RFTN1: variants seen among roughly 807,000 people sequenced by gnomAD.
RFTN1 encodes the protein raftlin.
Under a neutral mutation model 46.5 loss-of-function variants are expected in RFTN1, and 26 were observed. The observed-to-expected ratio is 0.56, with a 90% confidence interval of 0.41 to 0.78. The LOEUF is 0.78. Among genes scored for constraint, RFTN1 ranks in the 30% least tolerant of loss-of-function variants. The pLI, the probability that RFTN1 is intolerant of heterozygous loss-of-function variation, is 0.00. For missense variants in RFTN1, 693 were observed against 718.7 expected (o/e 0.96, Z 0.41); for synonymous variants, 261 against 284.2 (o/e 0.92, Z 0.82).
In RFTN1 at chr3:16,383,329, G is replaced by C. The variant is rs2074057312; in HGVS notation, c.442-5227C>G. On this transcript the variant is annotated intron_variant, in intron 4 of 9. Transcript: ENST00000334133. The surrounding 1 kb of genome is among the most constrained non-coding windows in gnomAD (Gnocchi z 4.0). ...AACCCACCTGCCCCAAATACTTAAA[G>C]AGTAACAATTTCTGGTTGAGGCACT... Among the ~76,000 whole-genome samples the C allele has an allele frequency of 6.6e-6, 1 of 152,172 alleles. No individual in the cohort carries two copies. Among genetic ancestry groups the C allele is most frequent in the Admixed American group, 6.5e-5 (1 of 15,280 alleles).
At chr3:16,414,631 A>G (rs1021672748) in intron 3 of RFTN1, among the ~76,000 whole-genome samples, 1 of 151,916 alleles carries the variant, frequency 6.6e-6, no homozygotes, top group Non-Finnish European at 1.5e-5. Flanking sequence ...AAGAAAAGGA[A>G]AAAAGAAACA....
chr3:16,467,305 G>A (rs1401971364), intron 2 of RFTN1, among the ~76,000 whole-genome samples: 1 of 152,192 alleles, frequency 6.6e-6, no homozygotes, highest in African/African-American at 2.4e-5. Flanking sequence ...GAGGAAGAAA[G>A]ATCCCAAGGT....
chr3:16,476,279 G>A (rs2076280523), intron 2 of RFTN1, among the ~76,000 whole-genome samples: 1 of 152,128 alleles, frequency 6.6e-6, no homozygotes, highest in Non-Finnish European at 1.5e-5. Context: ...AAATTATTCT[G>A]AATTATTGCA....
chr3:16,410,076 T>G lies in RFTN1; in HGVS notation c.333-593A>C, dbSNP rs1221606968. ...CCCGAAAGTAACGTCAAAAAGGCAC[T>G]GATGAAAAATGGTTTATGGAAACTA... is the stretch of plus-strand genomic sequence containing the variant. On this transcript the variant is annotated intron_variant, in intron 3 of 9. Coordinates refer to ENST00000334133, the MANE Select transcript of RFTN1 (RefSeq NM_015150.2). The surrounding 1 kb of genome is among the most constrained non-coding windows in gnomAD (Gnocchi z 4.6). Among the ~76,000 whole-genome samples the G allele has an allele frequency of 6.6e-6, 1 of 151,824 alleles. No individual in the cohort carries two copies. Among genetic ancestry groups the G allele is most frequent in the African/African-American group, 2.4e-5 (1 of 41,300 alleles).
Position 16,377,955 on chromosome 3 carries a change from G to A in RFTN1, c.589C>T (p.His197Tyr), listed in dbSNP as rs865839274. 6.2e-7 allele frequency: 1 copy of A among 1,614,106 alleles called. No homozygotes were observed. The highest frequency in any genetic ancestry group is 1.3e-5 in the African/African-American group (1 of 74,936). The change falls in exon 5 of 10, where the codon CAC (histidine) becomes TAC (tyrosine). Residue 197 changes from histidine (H) to tyrosine (Y), a missense_variant. By Grantham distance (83) the His-to-Tyr change is moderately conservative. Transcript: ENST00000334133. ...ARDAKNARGDHASLENEKPGT... is the reference protein window; with the variant it reads ...ARDAKNARGDYASLENEKPGT... Reference sequence around the variant, plus strand: ...GGTTTCTCATTCTCCAGTGACGCGTGATCCCCACGTGCGTTTTTTGCATCT... The same window carrying A: ...GGTTTCTCATTCTCCAGTGACGCGTAATCCCCACGTGCGTTTTTTGCATCT...
rs2071317423 is a variant in RFTN1, at chr3:16,341,534, A to T, written c.1147-14658T>A. Among the ~76,000 whole-genome samples, 1 of 152,202 alleles carries T rather than the reference A, an allele frequency of 6.6e-6. No homozygotes were observed. Among genetic ancestry groups the T allele is most frequent in the Non-Finnish European group, 1.5e-5 (1 of 68,042 alleles). On this transcript the variant is annotated intron_variant, in intron 7 of 9. Transcript: ENST00000334133. The surrounding 1 kb of genome is among the most constrained non-coding windows in gnomAD (Gnocchi z 4.7). ...TCCATATTACTAAGTGAAAGAAGCCAACTGGAAAAGGCTACATACTGTATG... is the reference window on the plus strand; with the variant it reads ...TCCATATTACTAAGTGAAAGAAGCCTACTGGAAAAGGCTACATACTGTATG...
At chr3:16,319,898 G>A (rs1386934305) in intron 9 of RFTN1, among the ~76,000 whole-genome samples, 5 of 152,192 alleles carry the variant, frequency 3.3e-5, no homozygotes, top group Non-Finnish European at 7.3e-5. Flanking sequence ...ATGGACTCCA[G>A]GTTTTGAGTA....
In RFTN1 at chr3:16,457,002, AG is replaced by A. The variant is rs1418857280; in HGVS notation, c.146-22966del. 6.6e-6 allele frequency among the ~76,000 whole-genome samples: 1 copy of A among 152,204 alleles called. No homozygotes were observed. Among genetic ancestry groups the A allele is most frequent in the African/African-American group, 2.4e-5 (1 of 41,458 alleles). ...CTCTGTGTATTATGTGTCAATAAAA[AG>A]TTTTTTTTTTAAATGACAGATGCCA... On this transcript the variant is annotated intron_variant, in intron 2 of 9. Transcript: ENST00000334133. This position sits in a 1 kb window ranked among gnomAD's most constrained non-coding sequence, Gnocchi z 4.2.
intron 1 of RFTN1, among the ~76,000 whole-genome samples, chr3:16,508,842 A>C (rs1006188052): frequency 6.6e-6 from 1 of 152,190 alleles, no homozygotes; most frequent in African/African-American, 2.4e-5. Flanking sequence ...GTAAAAAAAA[A>C]ACACCACAGA....
intron 7 of RFTN1, among the ~76,000 whole-genome samples, chr3:16,350,715 G>T (rs1259371029): frequency 6.6e-6 from 1 of 152,152 alleles, no homozygotes; most frequent in East Asian, 1.9e-4. Context: ...GGAGGGGTTT[G>T]GGTGTTGATT....
intron 4 of RFTN1, among the ~76,000 whole-genome samples, 154 bp downstream of exon 4, chr3:16,409,221 G>A (rs1259789662): frequency 6.6e-6 from 1 of 152,226 alleles, no homozygotes; most frequent in Non-Finnish European, 1.5e-5. Context: ...AGCTCTGGAG[G>A]GGGCTGCTTC....
intron 2 of RFTN1, among the ~76,000 whole-genome samples, chr3:16,470,553 G>A (rs748374268): frequency 6.6e-6 from 1 of 152,154 alleles, no homozygotes; most frequent in Admixed American, 6.5e-5. Context: ...CCAGAGAAAA[G>A]AGCCCCAGAT....
rs866721890 is a variant in RFTN1 at position 16,397,489 on chromosome 3, G to A, written c.441+11886C>T. The stretch of plus-strand genomic sequence containing the variant: ...GGAAATTTGCTGAGAGATTTTAGGC[G>A]CTCTTACCGCAAAAATGGTAACTAT... On this transcript the variant is annotated intron_variant, in intron 4 of 9. Coordinates refer to ENST00000334133, the MANE Select transcript of RFTN1 (RefSeq NM_015150.2). Among the ~76,000 whole-genome samples the A allele has an allele frequency of 4.6e-5, 7 of 152,142 alleles. No individual in the cohort carries two copies. The East Asian group carries it at 9.6e-4, about 21-fold the overall frequency.
At chr3:16,373,367 A>G (rs2073605102) in intron 5 of RFTN1, among the ~76,000 whole-genome samples, 1 of 152,148 alleles carries the variant, frequency 6.6e-6, no homozygotes, top group Admixed American at 6.5e-5. Context: ...CAACCAGAGG[A>G]GAAAGTGAGG....
In RFTN1 at chr3:16,428,072, C is replaced by T. The variant is rs962254602; in HGVS notation, c.332+5779G>A. On this transcript the variant is annotated intron_variant, in intron 3 of 9. Transcript: ENST00000334133. This position sits in a 1 kb window ranked among gnomAD's most constrained non-coding sequence, Gnocchi z 4.7. ...TAAGTTTCTTGAGATCTAGGAGCTCCTTAGAGTCATCTTTGCATAGTGAAA... is the reference window on the plus strand; with the variant it reads ...TAAGTTTCTTGAGATCTAGGAGCTCTTTAGAGTCATCTTTGCATAGTGAAA... Among the ~76,000 whole-genome samples, 1 of 152,118 alleles carries T rather than the reference C, an allele frequency of 6.6e-6. No individual in the cohort carries two copies. The highest frequency in any genetic ancestry group is 6.5e-5 in the Admixed American group (1 of 15,282).
intron 4 of RFTN1, among the ~76,000 whole-genome samples, chr3:16,386,755 G>A (rs1351749369): frequency 1.3e-5 from 2 of 152,196 alleles, no homozygotes; most frequent in African/African-American, 2.4e-5. Flanking sequence ...ATGGATCGAG[G>A]TGGGGGTTGG....
At position 16,376,960 on chromosome 3, in the gene RFTN1, G is replaced by C. The variant is rs1456258771; in HGVS notation, c.826+758C>G. 1.3e-5 allele frequency among the ~76,000 whole-genome samples: 2 copies of C among 152,032 alleles called. No individual in the cohort carries two copies. Among genetic ancestry groups the C allele is most frequent in the African/African-American group, 2.4e-5 (1 of 41,402 alleles). On this transcript the variant is annotated intron_variant, in intron 5 of 9. Transcript: ENST00000334133. The surrounding 1 kb of genome is among the most constrained non-coding windows in gnomAD (Gnocchi z 4.7). The stretch of plus-strand genomic sequence containing the variant: ...AGGCCTAAACAGAAAGCCCTCCTAA[G>C]CCCTGGGGGTCTTCTGTTAGTTTTC...
chr3:16,403,923 A>T (rs867555212), intron 4 of RFTN1, among the ~76,000 whole-genome samples: 61 of 3,370 alleles, frequency 0.018, 16 homozygotes, highest in African/African-American at 0.055. Context: ...TTTATATATA[A>T]TATATTATAT....
intron 1 of RFTN1, among the ~76,000 whole-genome samples, chr3:16,497,936 G>GA (rs2076650262): frequency 6.6e-6 from 1 of 152,118 alleles, no homozygotes; most frequent in African/African-American, 2.4e-5. Context: ...GAAAGGTTTG[G>GA]AAAGGGTTGG....
Sources: gnomAD v4.1 joint callset for allele counts (sites outside exome capture counted in the v4.1 genomes callset) on GRCh38, gnomAD v4.1.1 for gene constraint, Gnocchi (gnomAD v3.1) non-coding constraint, MANE v1.5 for transcripts, NCBI Gene and HGNC (gene_info 2026-07-23, HGNC 2026-07-21) for gene names.